SLC7A1: variants seen among roughly 807,000 people sequenced by gnomAD.
SLC7A1 encodes the protein solute carrier family 7 member 1.
In SLC7A1, 10 loss-of-function variants were observed where a neutral mutation model predicts 53.9. The ratio of observed to expected loss-of-function variants is 0.19; its 90% CI spans 0.11 to 0.31. The LOEUF (loss-of-function observed/expected upper bound fraction) is 0.31, where lower values mean the gene tolerates loss of function less well. Ranked by LOEUF, SLC7A1 falls within the 10% of genes least tolerant of loss-of-function variation. The pLI, the probability that SLC7A1 is intolerant of heterozygous loss-of-function variation, is 1.00. For synonymous variants in SLC7A1, 342 were observed against 338.7 expected (o/e 1.01, Z -0.11); for missense variants, 525 against 827.2 (o/e 0.63, Z 4.48).
intron 1 of SLC7A1, among the ~76,000 whole-genome samples, chr13:29,592,947 G>A (rs76086163): frequency 0.033 from 4,971 of 152,068 alleles, 212 homozygotes; most frequent in African/African-American, 0.091. Flanking sequence ...CGGCAGGGGA[G>A]CAAAGGGAGG....
chr13:29,551,038 C>T (rs1870157231), intron 2 of SLC7A1, among the ~76,000 whole-genome samples: 1 of 152,160 alleles, frequency 6.6e-6, no homozygotes, highest in Non-Finnish European at 1.5e-5. Context: ...GTAATTTCCT[C>T]CTCCTGGAAA....
chr13:29,595,541 G>T lies in SLC7A1; in HGVS notation c.-240C>A, dbSNP rs1205202457. ...GGGGCGGGGCGGGGGCGCGGCGCGC[G>T]GGGAGAGGAGTGGAGGCTGCGGTTA... On this transcript the variant is annotated 5_prime_UTR_variant, in exon 1 of 13. Coordinates refer to ENST00000380752, the MANE Select transcript of SLC7A1 (RefSeq NM_003045.5). 1.3e-5 allele frequency: 2 copies of T among 150,980 alleles called. No homozygotes were observed. The highest frequency in any genetic ancestry group is 1.9e-4 in the South Asian group (1 of 5,170). The allele number at this position is 150,980 out of a possible 1,614,324, so 9.4% of individuals were successfully genotyped here.
intron 6 of SLC7A1, 149 bp downstream of exon 6, chr13:29,523,983 A>T: frequency 1.4e-6 from 1 of 707,162 alleles, no homozygotes; most frequent in Non-Finnish European, 2.4e-6. Context: ...TGGGGGTGGG[A>T]GGGCTTGGCA....
chr13:29,517,575 A>T lies in SLC7A1; in HGVS notation c.1508T>A (p.Ile503Lys). The T allele has an allele frequency of 6.2e-7, 1 of 1,611,794 alleles. No homozygotes were observed. Among genetic ancestry groups the T allele is most frequent in the Non-Finnish European group, 8.5e-7 (1 of 1,177,820 alleles). ...CCCAGGGAAGGGCTAGCTCTTACCT[A>T]TGAGGCTGGTTGAAATGTTCACAAT... ...GLIVNISTSL[I>K]AVLIITFCIV... is the part of the protein sequence containing the mutation. Residue 503 changes from isoleucine (I) to lysine (K), a missense_variant and splice_region_variant, in exon 10 of 13, where the codon ATA becomes AAA. Transcript: ENST00000380752.
chr13:29,591,872 G>T (rs1872126849), intron 1 of SLC7A1, among the ~76,000 whole-genome samples: 1 of 152,146 alleles, frequency 6.6e-6, no homozygotes, highest in African/African-American at 2.4e-5. Context: ...AGAATTGCAG[G>T]CTGCTAACAA....
At position 29,523,403 on chromosome 13, in the gene SLC7A1, C is replaced by A. The variant is rs1416972153; in HGVS notation, c.912G>T (p.Val304=). Residue 304 remains valine (V), a synonymous_variant, in exon 7 of 13, where the codon GTG becomes GTT. Transcript: ENST00000380752. ...GCATCATGAGCGTGAGGGCAGCCGA[C>A]ACCCCAAAGTAGGCGATGAAGCAGA... is the stretch of plus-strand genomic sequence containing the variant. ...LLICFIAYFG[V]SAALTLMMPY... The A allele has an allele frequency of 6.2e-7, 1 of 1,613,890 alleles. No homozygotes were observed. Among genetic ancestry groups the A allele is most frequent in the East Asian group, 2.2e-5 (1 of 44,854 alleles).
At chr13:29,558,633 G>C (rs1870576231) in intron 1 of SLC7A1, among the ~76,000 whole-genome samples, 1 of 10,480 alleles carries the variant, frequency 9.5e-5, no homozygotes. Flanking sequence ...ATGTGAATGA[G>C]GGGGAGAGAA....
At chr13:29,539,315 C>T (rs1224748379) in intron 2 of SLC7A1, among the ~76,000 whole-genome samples, 2 of 152,114 alleles carry the variant, frequency 1.3e-5, no homozygotes, top group African/African-American at 2.4e-5. Context: ...GAACGGAAGG[C>T]GAATGTGAGC....
intron 4 of SLC7A1, among the ~76,000 whole-genome samples, chr13:29,532,370 ACCAT>A (rs1342810922): frequency 6.6e-6 from 1 of 152,134 alleles, no homozygotes; most frequent in Admixed American, 6.5e-5. Context: ...AGGTGTAAAA[ACCAT>A]CCAAGTCATC....
intron 2 of SLC7A1, among the ~76,000 whole-genome samples, chr13:29,548,114 G>A (rs998155584): frequency 6.6e-6 from 1 of 152,168 alleles, no homozygotes; most frequent in African/African-American, 2.4e-5. Flanking sequence ...CTCTCCCGGT[G>A]GTGTCCTGAG....
intron 1 of SLC7A1, among the ~76,000 whole-genome samples, chr13:29,570,522 T>C (rs1303161604): frequency 5.9e-5 from 9 of 152,148 alleles, no homozygotes; most frequent in African/African-American, 1.4e-4. Context: ...GTGAGACAGA[T>C]AGAAGTTAAA....
At chr13:29,552,256 G>GACAC (rs561264192) in intron 2 of SLC7A1, among the ~76,000 whole-genome samples, 2 of 122,746 alleles carry the variant, frequency 1.6e-5, no homozygotes, top group Non-Finnish European at 3.3e-5. Flanking sequence ...CACACACACA[G>GACAC]ACACACACAC....
chr13:29,588,051 A>G (rs1871959108), intron 1 of SLC7A1, among the ~76,000 whole-genome samples: 1 of 152,240 alleles, frequency 6.6e-6, no homozygotes, highest in East Asian at 1.9e-4. Flanking sequence ...CACAACAAAC[A>G]TTCTAACTTT....
chr13:29,563,336 C>T (rs552552037), intron 1 of SLC7A1, among the ~76,000 whole-genome samples: 19 of 152,284 alleles, frequency 1.2e-4, no homozygotes, highest in Non-Finnish European at 1.8e-4. Flanking sequence ...CAACGGTGGA[C>T]GGCAAAATGT....
At chr13:29,577,645 C>T (rs554062305) in intron 1 of SLC7A1, among the ~76,000 whole-genome samples, 6 of 152,214 alleles carry the variant, frequency 3.9e-5, no homozygotes, top group East Asian at 1.9e-4. Context: ...GCAGCTCTGA[C>T]GGGCCTCTTG....
chr13:29,524,294 G>A, intron 5 of SLC7A1, 41 bp from the exon 6 acceptor site: 1 of 1,612,650 alleles, frequency 6.2e-7, no homozygotes, highest in Non-Finnish European at 8.5e-7. Flanking sequence ...GTCACTCGCT[G>A]CGCAGTCTGG....
chr13:29,509,924 T>C lies in SLC7A1; in HGVS notation c.*4556A>G, dbSNP rs939602078. On this transcript the variant is annotated 3_prime_UTR_variant, in exon 13 of 13. Transcript: ENST00000380752. ...AGGCACAACTTAAGCAGGAAACTTA[T>C]CATCTTAAATATATATTATAACTTC... The C allele has an allele frequency of 6.6e-6, 1 of 152,600 alleles. No individual in the cohort carries two copies. Among genetic ancestry groups the C allele is most frequent in the African/African-American group, 2.4e-5 (1 of 41,432 alleles). The allele number at this position is 152,600 out of a possible 1,614,324, so 9.5% of individuals were successfully genotyped here.
chr13:29,567,068 T>C (rs1426460610), intron 1 of SLC7A1, among the ~76,000 whole-genome samples: 1 of 152,144 alleles, frequency 6.6e-6, no homozygotes, highest in Non-Finnish European at 1.5e-5. Flanking sequence ...TTCACGAGGG[T>C]GAAATTAGCT....
chr13:29,537,305 C>T (rs533287636), intron 2 of SLC7A1, among the ~76,000 whole-genome samples: 1 of 152,354 alleles, frequency 6.6e-6, no homozygotes, highest in South Asian at 2.1e-4. Context: ...TTCATCTCCA[C>T]AGTCTTTCCC....
Sources: allele counts gnomAD v4.1 joint callset (sites outside exome capture counted in the v4.1 genomes callset), GRCh38; gene constraint gnomAD v4.1.1; transcripts MANE v1.5; gene names NCBI Gene and HGNC (gene_info 2026-07-23, HGNC 2026-07-21).